SMAD9: variants seen among roughly 807,000 people sequenced by gnomAD.
SMAD9 encodes SMAD family member 9.
A neutral mutation model predicts 46.1 loss-of-function variants in SMAD9; 36 were observed. That is an observed-to-expected ratio of 0.78 (90% CI 0.60 to 1.03). The LOEUF (loss-of-function observed/expected upper bound fraction) is 1.03, where lower values mean the gene tolerates loss of function less well. SMAD9 is among the 50% of genes least tolerant of loss of function. SMAD9 has a pLI of 0.00. For missense variants in SMAD9, 572 were observed against 599.8 expected (o/e 0.95, Z 0.48); for synonymous variants, 245 against 237.1 (o/e 1.03, Z -0.31).
At chr13:36,867,483 G>A in intron 3 of SMAD9, 100 bp from the exon 4 acceptor site, 1 of 730,082 alleles carries the variant, frequency 1.4e-6, no homozygotes, top group South Asian at 1.8e-5. Flanking sequence ...GAGCTTGGTG[G>A]ACAGTGCTAC....
At chr13:36,908,688 T>G (rs1178018651) in intron 1 of SMAD9, among the ~76,000 whole-genome samples, 1 of 152,034 alleles carries the variant, frequency 6.6e-6, no homozygotes, top group Non-Finnish European at 1.5e-5. Flanking sequence ...GGAAGTGACA[T>G]AATAATCGCA....
intron 5 of SMAD9, among the ~76,000 whole-genome samples, chr13:36,858,546 T>TAC (rs2138327981): frequency 6.6e-6 from 1 of 152,274 alleles, no homozygotes; most frequent in South Asian, 2.1e-4. Context: ...CCAACTGTAC[T>TAC]ACACGGCATG....
At chr13:36,898,580 T>C (rs1417888744) in intron 1 of SMAD9, among the ~76,000 whole-genome samples, 4 of 152,166 alleles carry the variant, frequency 2.6e-5, no homozygotes, top group Admixed American at 6.5e-5. Flanking sequence ...ATGAAGTTTA[T>C]CACAGAAATG....
chr13:36,874,854 CAAAAAAAAAAAAAAAA>C (rs529721275), intron 2 of SMAD9, among the ~76,000 whole-genome samples: 4 of 66,068 alleles, frequency 6.1e-5, no homozygotes, highest in Non-Finnish European at 8.0e-5. Flanking sequence ...GACTCCGTCC[CAAAAAAAAAAAAAAAA>C]AAAAAAAAAT....
chr13:36,919,440 C>T (rs866980579), intron 1 of SMAD9, among the ~76,000 whole-genome samples: 3 of 152,170 alleles, frequency 2.0e-5, no homozygotes, highest in Non-Finnish European at 2.9e-5. Flanking sequence ...CCCGGAGACA[C>T]TTCAACAACA....
chr13:36,870,376 C>CA (rs1417918576), intron 3 of SMAD9, among the ~76,000 whole-genome samples: 1 of 152,144 alleles, frequency 6.6e-6, no homozygotes. Flanking sequence ...CAGCCACTTG[C>CA]AAAACTTCAA....
rs1034022519 is a variant in SMAD9 at position 36,853,200 on chromosome 13, G to A, written c.1260+219C>T. 4.6e-5 allele frequency among the ~76,000 whole-genome samples: 7 copies of A among 152,158 alleles called. No homozygotes were observed. The South Asian group carries it at 1.5e-3, about 32-fold the overall frequency. The stretch of plus-strand genomic sequence containing the variant: ...CCCGGGAGGCTGAGGTAGGAAAATC[G>A]CTTGAACCCGGGAGGCAGAGGTTGC... On this transcript the variant is annotated intron_variant, in intron 6 of 6. Coordinates refer to ENST00000379826, the MANE Select transcript of SMAD9 (RefSeq NM_001127217.3).
At position 36,845,499 on chromosome 13, in the gene SMAD9, AAATGTT is replaced by A. The variant is rs113075847; in HGVS notation, c.*3171_*3176del. The A allele has an allele frequency of 0.29, 44,151 of 151,780 alleles. 6,846 individuals are homozygous for A. Among genetic ancestry groups the A allele is most frequent in the African/African-American group, 0.41 (17,065 of 41,336 alleles). The allele number at this position is 151,780 out of a possible 1,614,324, so 9.4% of individuals were successfully genotyped here. On this transcript the variant is annotated 3_prime_UTR_variant, in exon 7 of 7. Coordinates refer to ENST00000379826, the MANE Select transcript of SMAD9 (RefSeq NM_001127217.3). ...TGTTCTGGGTCTTGTGAGCAGACCG[AAATGTT>A]ACTACAGTGTTCTCTATTGTGTGAT...
Position 36,844,835 on chromosome 13 carries a change from A to G in SMAD9, c.*3841T>C, listed in dbSNP as rs1000056856. The G allele has an allele frequency of 6.6e-6, 1 of 152,220 alleles. No individual in the cohort carries two copies. Among genetic ancestry groups the G allele is most frequent in the Non-Finnish European group, 1.5e-5 (1 of 68,044 alleles). The allele number at this position is 152,220 out of a possible 1,614,324, so 9.4% of individuals were successfully genotyped here. A position where few individuals can be genotyped will look rare whatever the true frequency, so the allele number is the denominator to read the frequency against. On this transcript the variant is annotated 3_prime_UTR_variant, in exon 7 of 7. Coordinates refer to ENST00000379826, the MANE Select transcript of SMAD9 (RefSeq NM_001127217.3). The stretch of plus-strand genomic sequence containing the variant: ...GGAAAAATGAGCCAAAAGACATATA[A>G]GTACAGTATTCTTTATTATAAACAA...
At chr13:36,914,951 ACAAAT>A (rs1477769102) in intron 1 of SMAD9, among the ~76,000 whole-genome samples, 1 of 152,252 alleles carries the variant, frequency 6.6e-6, no homozygotes, top group Non-Finnish European at 1.5e-5. Flanking sequence ...TTTTGTGAAA[ACAAAT>A]CAAAATACAC....
intron 1 of SMAD9, among the ~76,000 whole-genome samples, chr13:36,894,941 C>T (rs1186693306): frequency 6.6e-6 from 1 of 152,176 alleles, no homozygotes; most frequent in Non-Finnish European, 1.5e-5. Flanking sequence ...CCTTATGTCA[C>T]ACTCTCCTTC....
At chr13:36,849,749 C>T (rs1407582544) in intron 6 of SMAD9, 1 of 152,206 alleles carries the variant, frequency 6.6e-6, no homozygotes, top group African/African-American at 2.4e-5. Context: ...CATCCACATA[C>T]TTGGCCTTTC....
In SMAD9 at chr13:36,915,545, A is replaced by AAG. The variant is rs138874977; in HGVS notation, c.-187+4569_-187+4570dup. Among the ~76,000 whole-genome samples the AAG allele has an allele frequency of 3.8e-3, 576 of 150,762 alleles. 3 individuals are homozygous for AAG. Among genetic ancestry groups the AAG allele is most frequent in the African/African-American group, 0.011 (455 of 41,254 alleles). On this transcript the variant is annotated intron_variant, in intron 1 of 6. Transcript: ENST00000379826. ...AATCAGAGTACCAAAGAATGAGACA[A>AAG]AGAGAGAGAGAGAGAGAGAAGATTT...
intron 1 of SMAD9, among the ~76,000 whole-genome samples, chr13:36,894,127 G>A (rs941932891): frequency 6.6e-6 from 1 of 152,170 alleles, no homozygotes; most frequent in Non-Finnish European, 1.5e-5. Context: ...AGAATGTTAA[G>A]AACAGTATTT....
At chr13:36,894,252 T>C (rs1048929081) in intron 1 of SMAD9, among the ~76,000 whole-genome samples, 6 of 152,130 alleles carry the variant, frequency 3.9e-5, no homozygotes, top group Non-Finnish European at 8.8e-5. Context: ...TGAGAGATAA[T>C]TGAATCATGA....
intron 6 of SMAD9, among the ~76,000 whole-genome samples, chr13:36,851,318 T>G (rs531433): frequency 0.067 from 10,185 of 152,072 alleles, 665 homozygotes; most frequent in African/African-American, 0.16. Flanking sequence ...TCTTCCCTCT[T>G]CTTCTGCTCT....
At chr13:36,862,975 C>G (rs2058197536) in intron 5 of SMAD9, among the ~76,000 whole-genome samples, 1 of 152,234 alleles carries the variant, frequency 6.6e-6, no homozygotes, top group Non-Finnish European at 1.5e-5. Flanking sequence ...TCCACTGTTG[C>G]ATCCCTCGTG....
chr13:36,873,009 T>TG, intron 2 of SMAD9, 94 bp from the exon 3 acceptor site: 2 of 1,437,946 alleles, frequency 1.4e-6, no homozygotes, highest in African/African-American at 2.8e-5. Context: ...ATTTTTTGTT[T>TG]ATGATAGAGC....
At chr13:36,856,133 T>C (rs1467821722) in intron 5 of SMAD9, among the ~76,000 whole-genome samples, 1 of 151,970 alleles carries the variant, frequency 6.6e-6, no homozygotes, top group Non-Finnish European at 1.5e-5. Flanking sequence ...CAGGGCAAAA[T>C]GCAAACACCG....
Sources: gnomAD v4.1 joint callset for allele counts (sites outside exome capture counted in the v4.1 genomes callset) on GRCh38, gnomAD v4.1.1 for gene constraint, MANE v1.5 for transcripts, NCBI Gene and HGNC (gene_info 2026-07-23, HGNC 2026-07-21) for gene names.